LRRC8E: variants seen among roughly 807,000 people sequenced by gnomAD.
LRRC8E encodes leucine rich repeat containing 8 VRAC subunit E.
LRRC8E carries 6 observed loss-of-function variants against 6.1 expected under a neutral mutation model. The observed-to-expected ratio is 0.98, with a 90% confidence interval of 0.54 to 1.93. The LOEUF is 1.93. LRRC8E is among the 30% of genes most tolerant of loss of function. The probability of loss-of-function intolerance (pLI) is 0.01; values close to 1 mark genes in which losing one functional copy is unlikely to be tolerated. For missense variants in LRRC8E, 1,028 were observed against 1,031.4 expected, an observed-to-expected ratio of 1.00 and a Z score of 0.04; for synonymous variants, 485 against 472.8, an observed-to-expected ratio of 1.03 and a Z score of -0.33.
Position 7,895,746 on chromosome 19 carries a change from G to A in LRRC8E, c.138+5G>A. 4 of 1,611,592 alleles carry A rather than the reference G, an allele frequency of 2.5e-6. No homozygotes were observed. Among genetic ancestry groups the A allele is most frequent in the Non-Finnish European group, 3.4e-6 (4 of 1,177,988 alleles). On this transcript the variant is annotated splice_donor_5th_base_variant and intron_variant, in intron 2 of 2. Transcript: ENST00000306708. This position sits in a 1 kb window ranked among gnomAD's most constrained non-coding sequence, Gnocchi z 4.7. ...GTCTTTGGCTGCACCCTCCAGGTGA[G>A]GCCCTCCCCTGGCAAGGGGGTGTGA...
intron 1 of LRRC8E, among the ~76,000 whole-genome samples, chr19:7,891,524 GGTGTGT>G (rs577011407): frequency 3.8e-4 from 48 of 125,940 alleles, no homozygotes; most frequent in African/African-American, 1.2e-3. Context: ...TCCCTGCTCG[GGTGTGT>G]GTGTGTGTGT....
rs148766599 is a variant in LRRC8E, at chr19:7,899,722, C to T, written c.1200C>T (p.His400=). The part of the protein sequence containing the change: ...ESRLKQLNLN[H]EWTPEKLRQK... Reference sequence around the variant, plus strand: ...GTCTAAAGCAGCTCAATCTCAACCACGAGTGGACGCCCGAGAAGCTTCGAC... The same window carrying T: ...GTCTAAAGCAGCTCAATCTCAACCATGAGTGGACGCCCGAGAAGCTTCGAC... Residue 400 remains histidine (H), a synonymous_variant, in exon 3 of 3, where the codon CAC becomes CAT. Coordinates refer to ENST00000306708, the MANE Select transcript of LRRC8E (RefSeq NM_025061.6). The T allele has an allele frequency of 2.7e-4, 430 of 1,613,104 alleles. 3 individuals carry two copies. The African/African-American group carries it at 4.9e-3, about 18-fold the overall frequency.
Position 7,900,939 on chromosome 19 carries a change from G to A in LRRC8E, c.*26G>A, listed in dbSNP as rs1981976745. On this transcript the variant is annotated 3_prime_UTR_variant, in exon 3 of 3. Transcript: ENST00000306708. The surrounding 1 kb of genome is among the most constrained non-coding windows in gnomAD (Gnocchi z 5.0). ...AGCTGGGGTGGGGCCGTTTTAGGTA[G>A]AGCCTTAAAAATGCTTCTGCCCTGG... is the stretch of plus-strand genomic sequence containing the variant. 2 of 1,495,978 alleles carry A rather than the reference G, an allele frequency of 1.3e-6. No individual in the cohort carries two copies. Among genetic ancestry groups the A allele is most frequent in the Non-Finnish European group, 1.8e-6 (2 of 1,122,634 alleles). 92.7% of individuals were successfully genotyped at this position (1,495,978 alleles called of 1,614,324 possible).
chr19:7,891,524 G>GTGTGTGT (rs1981307367), intron 1 of LRRC8E, among the ~76,000 whole-genome samples: 1 of 125,850 alleles, frequency 7.9e-6, no homozygotes, highest in Non-Finnish European at 1.9e-5. Context: ...TCCCTGCTCG[G>GTGTGTGT]GTGTGTGTGT....
Position 7,895,120 on chromosome 19 carries a change from G to A in LRRC8E, c.-5-479G>A, listed in dbSNP as rs794454. 0.39 allele frequency: 60,265 copies of A among 154,342 alleles called. 12,008 individuals carry two copies. Among genetic ancestry groups the A allele is most frequent in the East Asian group, 0.55 (2,894 of 5,216 alleles). 9.6% of individuals were successfully genotyped at this position (154,342 alleles called of 1,614,324 possible). On this transcript the variant is annotated intron_variant, in intron 1 of 2. Transcript: ENST00000306708. The surrounding 1 kb of genome is among the most constrained non-coding windows in gnomAD (Gnocchi z 4.7). ...CCCTGGAGGGGGTGGAGGGGCCTAC[G>A]CCCCGGAAGTCCTGAGCCTTGGAAC...
Position 7,900,506 on chromosome 19 carries a change from T to C in LRRC8E, c.1984T>C (p.Tyr662His). ...LRSLEQLYLS[Y>H]NKLETLPSQL... ...GAGCCTGGAGCAGCTCTACCTCAGC[T>C]ACAACAAGCTGGAGACCCTGCCCTC... The change falls in exon 3 of 3, where the codon TAC becomes CAC. Residue 662 changes from tyrosine to histidine, a missense_variant. Transcript: ENST00000306708. This position sits in a 1 kb window ranked among gnomAD's most constrained non-coding sequence, Gnocchi z 5.0. 1 of 1,612,978 alleles carries C rather than the reference T, an allele frequency of 6.2e-7. No homozygotes were observed. The highest frequency in any genetic ancestry group is 8.5e-7 in the Non-Finnish European group (1 of 1,180,016).
Position 7,899,217 on chromosome 19 carries a change from A to C in LRRC8E, c.695A>C (p.Lys232Thr). ...LLDKKEGEQA[K>T]ALFEKVKKFR... Reference sequence around the variant, plus strand: ...GACAAGAAGGAGGGTGAGCAAGCCAAAGCCCTGTTTGAGAAGGTGAAGAAG... The same window carrying C: ...GACAAGAAGGAGGGTGAGCAAGCCACAGCCCTGTTTGAGAAGGTGAAGAAG... The change falls in exon 3 of 3, where the codon AAA becomes ACA. Residue 232 changes from lysine (K) to threonine (T), a missense_variant. Lys to Thr is a moderately conservative substitution (Grantham distance 78). Transcript: ENST00000306708. 6.2e-7 allele frequency: 1 copy of C among 1,614,204 alleles called. No homozygotes were observed. Among genetic ancestry groups the C allele is most frequent in the Non-Finnish European group, 8.5e-7 (1 of 1,180,042 alleles).
Position 7,898,834 on chromosome 19 carries a change from G to T in LRRC8E, c.312G>T (p.Gln104His), listed in dbSNP as rs1485826555. 4 of 1,614,052 alleles carry T rather than the reference G, an allele frequency of 2.5e-6. No homozygotes were observed. Among genetic ancestry groups the T allele is most frequent in the African/African-American group, 1.3e-5 (1 of 74,908 alleles). ...TGCAGCAATACAGCTTTATTAACCA[G>T]CTGTGTTATGAGACGGCCCTGCACT... is the stretch of plus-strand genomic sequence containing the variant. ...LDLQQYSFIN[Q>H]LCYETALHWY... The change falls in exon 3 of 3, where the codon CAG (glutamine) becomes CAT (histidine). Residue 104 changes from glutamine to histidine, a missense_variant. By Grantham distance (24) the Gln-to-His change is conservative. Coordinates refer to ENST00000306708, the MANE Select transcript of LRRC8E (RefSeq NM_025061.6).
At chr19:7,892,950 G>A (rs966078607) in intron 1 of LRRC8E, among the ~76,000 whole-genome samples, 5 of 151,848 alleles carry the variant, frequency 3.3e-5, no homozygotes, top group African/African-American at 1.2e-4. Context: ...TCAGCCTCCC[G>A]AGTAACCGGG....
chr19:7,899,794 C>T lies in LRRC8E; in HGVS notation c.1272C>T (p.Cys424=), dbSNP rs1461788957. Residue 424 remains cysteine, a synonymous_variant, in exon 3 of 3, where the codon TGC becomes TGT. Transcript: ENST00000306708. ...NAAGRLELAL[C]MLPGLPDTVF... The stretch of plus-strand genomic sequence containing the variant: ...CGGGCCGGCTGGAGCTGGCCCTCTG[C>T]ATGCTGCCGGGTCTGCCCGACACCG... 3.7e-6 allele frequency: 6 copies of T among 1,608,880 alleles called. No homozygotes were observed. In the Admixed American group the frequency reaches 1.0e-4, roughly 27 times the overall value.
Position 7,900,230 on chromosome 19 carries a change from G to A in LRRC8E, c.1708G>A (p.Ala570Thr). Residue 570 changes from alanine to threonine, a missense_variant, in exon 3 of 3, where the codon GCC (alanine) becomes ACC (threonine). Physicochemically the swap from Ala to Thr is moderately conservative, Grantham distance 58. Coordinates refer to ENST00000306708, the MANE Select transcript of LRRC8E (RefSeq NM_025061.6). The surrounding 1 kb of genome is among the most constrained non-coding windows in gnomAD (Gnocchi z 5.0). ...GAGGCTCAGCCTGCACAACGATGGG[G>A]CCCGTCTGGTTGCCCTGAACAGCCT... Reference protein sequence around the residue: ...LQRLSLHNDGARLVALNSLKK... With the variant: ...LQRLSLHNDGTRLVALNSLKK... 1 of 1,613,248 alleles carries A rather than the reference G, an allele frequency of 6.2e-7. No individual in the cohort carries two copies. Among genetic ancestry groups the A allele is most frequent in the Non-Finnish European group, 8.5e-7 (1 of 1,180,032 alleles).
At position 7,898,663 on chromosome 19, in the gene LRRC8E, GAC is replaced by G. The variant is rs1195327719; in HGVS notation, c.145_146del (p.Gln49GlyfsTer10). ...IGVFGCTLQV[T>X]QDKIICLPNH... ...CCTCATTCTCTTTTGCTCCTCAGGTGACACAGGACAAGATCATCTGTCTACCC... is the reference window on the plus strand; with the variant it reads ...CCTCATTCTCTTTTGCTCCTCAGGTGACAGGACAAGATCATCTGTCTACCC... On this transcript the variant is annotated frameshift_variant, in exon 3 of 3. Coordinates refer to ENST00000306708, the MANE Select transcript of LRRC8E (RefSeq NM_025061.6). LOFTEE classifies it low-confidence loss of function (END_TRUNC). 6.3e-7 allele frequency: 1 copy of G among 1,597,150 alleles called. No individual in the cohort carries two copies. Among genetic ancestry groups the G allele is most frequent in the South Asian group, 1.1e-5 (1 of 89,848 alleles).
Position 7,899,869 on chromosome 19 carries a change from T to C in LRRC8E, c.1347T>C (p.Asp449=), listed in dbSNP as rs754474308. ...CACTCAGGCTGGAGGCCATCTGCGA[T>C]ATCACCTTCCCCCCGGGGCTGTCAC... ...VESLRLEAIC[D]ITFPPGLSQL... The change falls in exon 3 of 3, where the codon GAT becomes GAC. Residue 449 remains aspartate, a synonymous_variant. Transcript: ENST00000306708. The C allele has an allele frequency of 6.0e-5, 97 of 1,606,554 alleles. 1 individual carries two copies. The South Asian group carries it at 1.0e-3, about 17-fold the overall frequency.
In LRRC8E at chr19:7,898,619, A is replaced by T. The variant is rs368413076; in HGVS notation, c.139-42A>T. The T allele has an allele frequency of 3.3e-6, 5 of 1,538,082 alleles. No homozygotes were observed. In the African/African-American group the frequency reaches 5.5e-5, roughly 17 times the overall value. ...AGTGATCCACTCGCCTTGGCCTCCCAAAGTGCTAGGATTACAGCCCTCATT... is the reference window on the plus strand; with the variant it reads ...AGTGATCCACTCGCCTTGGCCTCCCTAAGTGCTAGGATTACAGCCCTCATT... On this transcript the variant is annotated intron_variant, in intron 2 of 2. Coordinates refer to ENST00000306708, the MANE Select transcript of LRRC8E (RefSeq NM_025061.6).
chr19:7,898,217 C>CAA (rs111279318), intron 2 of LRRC8E, among the ~76,000 whole-genome samples: 17,053 of 127,198 alleles, frequency 0.13, 1,646 homozygotes, highest in East Asian at 0.32. Flanking sequence ...AAAAAAAAAC[C>CAA]AAAAAAAAAA....
chr19:7,896,943 G>A (rs1905206063), intron 2 of LRRC8E, among the ~76,000 whole-genome samples: 1 of 152,132 alleles, frequency 6.6e-6, no homozygotes, highest in Admixed American at 6.5e-5. Context: ...GGAAAGGACT[G>A]CAGTTGCTAT....
At position 7,901,090 on chromosome 19, in the gene LRRC8E, C is replaced by G; in HGVS notation, c.*177C>G. On this transcript the variant is annotated 3_prime_UTR_variant, in exon 3 of 3. Coordinates refer to ENST00000306708, the MANE Select transcript of LRRC8E (RefSeq NM_025061.6). The stretch of plus-strand genomic sequence containing the variant: ...ATCTGGGCTGGTTTGTCTGGGGAGA[C>G]AGACAGGATGTTGTGGAGCTGGGGT... The G allele has an allele frequency of 3.6e-6, 2 of 549,544 alleles. No homozygotes were observed. Among genetic ancestry groups the G allele is most frequent in the Middle Eastern group, 4.9e-4 (1 of 2,028 alleles). The allele number at this position is 549,544 out of a possible 1,614,324, so 34.0% of individuals were successfully genotyped here. A position where few individuals can be genotyped will look rare whatever the true frequency, so the allele number is the denominator to read the frequency against.
intron 1 of LRRC8E, among the ~76,000 whole-genome samples, chr19:7,890,057 T>TAA (rs113067182): frequency 7.7e-5 from 11 of 142,752 alleles, no homozygotes; most frequent in Non-Finnish European, 9.2e-5. Context: ...ACTCTATGTC[T>TAA]AAAAAAAAAA....
rs774407732 is a variant in LRRC8E, at chr19:7,899,932, G to A, written c.1410G>A (p.Ser470=). 7.5e-6 allele frequency: 12 copies of A among 1,608,418 alleles called. No individual in the cohort carries two copies. Among genetic ancestry groups the A allele is most frequent in the Middle Eastern group, 1.6e-4 (1 of 6,084 alleles). ...TGCAGGAGCTCAGCTTGCTCCACTCGCCCGCCAGGCTACCCTTCTCCTTGC... is the reference window on the plus strand; with the variant it reads ...TGCAGGAGCTCAGCTTGCTCCACTCACCCGCCAGGCTACCCTTCTCCTTGC... ...VHLQELSLLH[S]PARLPFSLQV... Residue 470 remains serine (S), a synonymous_variant, in exon 3 of 3, where the codon TCG becomes TCA. Transcript: ENST00000306708.
Sources: gnomAD v4.1 joint callset for allele counts (sites outside exome capture counted in the v4.1 genomes callset) on GRCh38, gnomAD v4.1.1 for gene constraint, Gnocchi (gnomAD v3.1) non-coding constraint, MANE v1.5 for transcripts, NCBI Gene and HGNC (gene_info 2026-07-23, HGNC 2026-07-21) for gene names.